TXNRD2: variants seen among roughly 807,000 people sequenced by gnomAD.
TXNRD2 encodes the protein thioredoxin reductase 2.
A neutral mutation model predicts 70.8 loss-of-function variants in TXNRD2; 67 were observed. The ratio of observed to expected loss-of-function variants is 0.95; its 90% confidence interval spans 0.78 to 1.16. TXNRD2 has a LOEUF of 1.16. TXNRD2 is among the 50% of genes most tolerant of loss of function. The pLI is 0.00. For synonymous variants in TXNRD2, 301 were observed against 295.8 expected (o/e 1.02, Z -0.18); for missense variants, 644 against 719.9 (o/e 0.89, Z 1.21).
intron 2 of TXNRD2, among the ~76,000 whole-genome samples, chr22:19,925,098 C>T (rs936569997): frequency 6.7e-6 from 1 of 150,074 alleles, no homozygotes; most frequent in Non-Finnish European, 1.5e-5. Flanking sequence ...TCCTGGCTAA[C>T]ACGGCGAAGC....
chr22:19,918,031 C>A (rs1460427645), intron 5 of TXNRD2, 112 bp downstream of exon 5: 1 of 924,052 alleles, frequency 1.1e-6, no homozygotes. Context: ...AGGACATGAA[C>A]CCCCAGAGCC....
At chr22:19,917,152 G>A (rs1000970596) in intron 5 of TXNRD2, among the ~76,000 whole-genome samples, 1 of 152,222 alleles carries the variant, frequency 6.6e-6, no homozygotes, top group Non-Finnish European at 1.5e-5. Context: ...AACAGCCCAG[G>A]TGCGCCCCAG....
chr22:19,921,211 T>G (rs1421672942), intron 2 of TXNRD2, among the ~76,000 whole-genome samples: 1 of 151,838 alleles, frequency 6.6e-6, no homozygotes, highest in Non-Finnish European at 1.5e-5. Context: ...GCCCAGGAGT[T>G]TGAGACCAGC....
chr22:19,884,030 C>T (rs5993851), intron 11 of TXNRD2: 40,848 of 154,324 alleles, frequency 0.26, 8,036 homozygotes, highest in African/African-American at 0.56. Flanking sequence ...GGCATGCACC[C>T]GTAATCCCAG....
At chr22:19,909,617 C>CACAA (rs1940246546) in intron 8 of TXNRD2, among the ~76,000 whole-genome samples, 1 of 134,300 alleles carries the variant, frequency 7.4e-6, no homozygotes, top group Non-Finnish European at 1.6e-5. Flanking sequence ...ACACACACCA[C>CACAA]ACACACCACT....
intron 11 of TXNRD2, chr22:19,894,082 A>G (rs1939383468): frequency 6.6e-6 from 1 of 152,280 alleles, no homozygotes; most frequent in African/African-American, 2.4e-5. Context: ...ATGCTGGCAC[A>G]TGCTACACAA....
chr22:19,930,626 G>A (rs1941320904), intron 2 of TXNRD2, among the ~76,000 whole-genome samples: 1 of 152,148 alleles, frequency 6.6e-6, no homozygotes, highest in Non-Finnish European at 1.5e-5. Flanking sequence ...CTCCAGCCTC[G>A]CAGCTAGCCG....
chr22:19,904,363 T>C (rs1296918775), intron 8 of TXNRD2, among the ~76,000 whole-genome samples: 1 of 152,260 alleles, frequency 6.6e-6, no homozygotes, highest in African/African-American at 2.4e-5. Context: ...TGTTTAATTC[T>C]GTCTCCCCTT....
intron 17 of TXNRD2, chr22:19,876,550 G>A (rs948261431): frequency 6.6e-6 from 1 of 152,502 alleles, no homozygotes; most frequent in Non-Finnish European, 1.5e-5. Flanking sequence ...AGATGTGCAG[G>A]GCAGGCTGGG....
chr22:19,908,665 T>C (rs1311438750), intron 8 of TXNRD2, among the ~76,000 whole-genome samples: 1 of 152,032 alleles, frequency 6.6e-6, no homozygotes, highest in African/African-American at 2.4e-5. Context: ...CTTCAAGAGG[T>C]ATTTGCACAC....
At chr22:19,895,697 CG>C in intron 10 of TXNRD2, 116 bp from the exon 11 acceptor site, 1 of 1,163,418 alleles carries the variant, frequency 8.6e-7, no homozygotes, top group Non-Finnish European at 1.2e-6. Flanking sequence ...GTGCGGAAGA[CG>C]GGGTGAGACA....
chr22:19,883,029 G>A (rs1382834483), intron 12 of TXNRD2, among the ~76,000 whole-genome samples: 1 of 152,266 alleles, frequency 6.6e-6, no homozygotes, highest in Non-Finnish European at 1.5e-5. Flanking sequence ...GTTGAGGCCT[G>A]CGTGCAGAGC....
At chr22:19,907,535 C>CT (rs1272375015) in intron 8 of TXNRD2, among the ~76,000 whole-genome samples, 8 of 27,744 alleles carry the variant, frequency 2.9e-4, no homozygotes, top group East Asian at 2.0e-3. Flanking sequence ...GTGTGGGCGC[C>CT]GTGGGTAGCA....
intron 7 of TXNRD2, 30 bp downstream of exon 7, chr22:19,915,184 G>T (rs1337980364): frequency 6.2e-7 from 1 of 1,610,782 alleles, no homozygotes; most frequent in South Asian, 1.1e-5. Flanking sequence ...GGCCACGGCA[G>T]CAGGGACGCT....
At chr22:19,909,114 G>C (rs1296959451) in intron 8 of TXNRD2, among the ~76,000 whole-genome samples, 1 of 151,304 alleles carries the variant, frequency 6.6e-6, no homozygotes, top group Non-Finnish European at 1.5e-5. Flanking sequence ...GCTGAGACAG[G>C]AGAATCGCTT....
intron 9 of TXNRD2, among the ~76,000 whole-genome samples, chr22:19,898,463 C>G (rs1404525834): frequency 2.0e-5 from 3 of 150,846 alleles, no homozygotes; most frequent in Non-Finnish European, 4.4e-5. Flanking sequence ...CGGGAGATGC[C>G]AGGCAGCTGC....
chr22:19,902,056 G>A (rs917567628), intron 8 of TXNRD2, among the ~76,000 whole-genome samples: 21 of 152,180 alleles, frequency 1.4e-4, no homozygotes, highest in Non-Finnish European at 5.9e-5. Context: ...AATTACTGGG[G>A]CATGGTGGTA....
At chr22:19,894,860 C>T (rs893731613) in intron 11 of TXNRD2, 59 of 527,840 alleles carry the variant, frequency 1.1e-4, no homozygotes, top group African/African-American at 6.9e-4. Context: ...TAGTGGTGGG[C>T]GCCTGTAGCC....
In TXNRD2 at chr22:19,883,381, C is replaced by A. The variant is rs373839226; in HGVS notation, c.1030G>T (p.Asp344Tyr). The A allele has an allele frequency of 1.1e-5, 18 of 1,613,952 alleles. No individual in the cohort carries two copies. The African/African-American group carries it at 2.3e-4, about 20-fold the overall frequency. ...TSPDTQKILV[D>Y]SREATSVPHI... Reference sequence around the variant, plus strand: ...GGCACAGAGGTGGCTTCCCGGGAGTCCACCAGGATCTTCTGAGTGTCGGGG... The same window carrying A: ...GGCACAGAGGTGGCTTCCCGGGAGTACACCAGGATCTTCTGAGTGTCGGGG... Residue 344 changes from aspartate to tyrosine, a missense_variant, in exon 12 of 18, where the codon GAC (aspartate) becomes TAC (tyrosine). Coordinates refer to ENST00000400521, the MANE Select transcript of TXNRD2 (RefSeq NM_006440.5).
Sources: gnomAD v4.1 joint callset for allele counts (sites outside exome capture counted in the v4.1 genomes callset) on GRCh38, gnomAD v4.1.1 for gene constraint, MANE v1.5 for transcripts, NCBI Gene and HGNC (gene_info 2026-07-23, HGNC 2026-07-21) for gene names.